QTMAN: variants seen among roughly 807,000 people sequenced by gnomAD.
QTMAN encodes the protein queuosine-tRNA mannosyltransferase.
At chr2:144,030,929 GC>G in the QTMAN span, among the ~76,000 whole-genome samples, 4 of 152,144 alleles carry the variant, frequency 2.6e-5, no homozygotes, top group East Asian at 7.7e-4. Flanking sequence ...CTGTAGCCAA[GC>G]TAAGAGGCAT....
At chr2:144,328,562 T>A in the QTMAN span, among the ~76,000 whole-genome samples, 1 of 152,224 alleles carries the variant, frequency 6.6e-6, no homozygotes, top group Non-Finnish European at 1.5e-5. Context: ...GGCACCAGAA[T>A]AATTCCAGAT....
chr2:144,326,899 T>A, the QTMAN span, among the ~76,000 whole-genome samples: 1 of 152,132 alleles, frequency 6.6e-6, no homozygotes, highest in African/African-American at 2.4e-5. Flanking sequence ...ATTTTATATA[T>A]ACCACACAGA....
the QTMAN span, among the ~76,000 whole-genome samples, chr2:144,159,736 G>C: frequency 2.0e-5 from 3 of 152,136 alleles, no homozygotes; most frequent in South Asian, 6.2e-4. Flanking sequence ...AGACATTCCA[G>C]ACAGAGAGCT....
the QTMAN span, among the ~76,000 whole-genome samples, chr2:144,012,060 T>C: frequency 6.6e-6 from 1 of 152,076 alleles, no homozygotes; most frequent in Non-Finnish European, 1.5e-5. Context: ...AATCTGTTAT[T>C]AGCCATGGGA....
the QTMAN span, among the ~76,000 whole-genome samples, chr2:143,992,549 A>T: frequency 5.3e-5 from 8 of 152,064 alleles, no homozygotes; most frequent in East Asian, 1.5e-3. Context: ...TAAATAAATA[A>T]ATAAATAAAA....
chr2:144,073,266 T>A, the QTMAN span, among the ~76,000 whole-genome samples: 2 of 149,348 alleles, frequency 1.3e-5, no homozygotes, highest in African/African-American at 4.9e-5. Flanking sequence ...ATATATCATA[T>A]ATATTTATTT....
chr2:144,143,747 C>A, the QTMAN span, among the ~76,000 whole-genome samples: 2 of 151,956 alleles, frequency 1.3e-5, no homozygotes, highest in South Asian at 4.2e-4. Context: ...GTAATAGTGA[C>A]CTACAGGTCA....
At chr2:144,133,135 AT>A in the QTMAN span, among the ~76,000 whole-genome samples, 8 of 42,772 alleles carry the variant, frequency 1.9e-4, no homozygotes, top group East Asian at 5.9e-4. Context: ...ATATATATAT[AT>A]ATATATATAT....
At chr2:144,289,454 G>A in the QTMAN span, among the ~76,000 whole-genome samples, 6 of 152,186 alleles carry the variant, frequency 3.9e-5, no homozygotes, top group Non-Finnish European at 8.8e-5. Flanking sequence ...TCAAAGTGTA[G>A]AACATGAGAA....
the QTMAN span, among the ~76,000 whole-genome samples, chr2:144,077,357 A>G: frequency 1.3e-5 from 2 of 152,248 alleles, no homozygotes; most frequent in Non-Finnish European, 2.9e-5. Context: ...AAACTTACAA[A>G]TAAGCCACAT....
chr2:143,978,265 G>T, the QTMAN span, among the ~76,000 whole-genome samples: 13 of 152,228 alleles, frequency 8.5e-5, no homozygotes, highest in East Asian at 2.1e-3. Context: ...ATCCTTGCTT[G>T]GTTTCCAAAT....
the QTMAN span, among the ~76,000 whole-genome samples, chr2:144,158,605 T>C: frequency 2.0e-5 from 3 of 151,804 alleles, no homozygotes; most frequent in South Asian, 2.1e-4. Context: ...GGTTTATTGA[T>C]ATAAAGAAGG....
At chr2:143,986,423 G>A in the QTMAN span, among the ~76,000 whole-genome samples, 2 of 152,178 alleles carry the variant, frequency 1.3e-5, no homozygotes, top group Non-Finnish European at 2.9e-5. Context: ...TCCCCTCAAG[G>A]AATCTAAATT....
the QTMAN span, among the ~76,000 whole-genome samples, chr2:144,296,215 G>C: frequency 6.6e-6 from 1 of 152,156 alleles, no homozygotes; most frequent in African/African-American, 2.4e-5. Flanking sequence ...GGAATAATTT[G>C]TGTTGCTAAG....
chr2:143,991,710 C>T, the QTMAN span, among the ~76,000 whole-genome samples: 2 of 144,704 alleles, frequency 1.4e-5, no homozygotes, highest in African/African-American at 5.1e-5. Flanking sequence ...GCCGCCCGGC[C>T]AGTCGCCCCG....
At chr2:144,031,496 C>A in the QTMAN span, among the ~76,000 whole-genome samples, 2 of 152,064 alleles carry the variant, frequency 1.3e-5, no homozygotes, top group Non-Finnish European at 1.5e-5. Flanking sequence ...CACCAAGAAG[C>A]TTTTAAACTG....
chr2:144,127,285 A>T, the QTMAN span, among the ~76,000 whole-genome samples: 5 of 151,970 alleles, frequency 3.3e-5, no homozygotes, highest in Non-Finnish European at 7.4e-5. Context: ...CATAACAAAC[A>T]CACACAAAAA....
the QTMAN span, among the ~76,000 whole-genome samples, chr2:144,066,167 C>CT: frequency 7.1e-6 from 1 of 140,848 alleles, no homozygotes; most frequent in African/African-American, 2.6e-5. Flanking sequence ...CTTTTTTTTT[C>CT]TTTTTTTATT....
At chr2:144,003,857 T>C in the QTMAN span, among the ~76,000 whole-genome samples, 20 of 152,074 alleles carry the variant, frequency 1.3e-4, no homozygotes, top group Non-Finnish European at 1.9e-4. Context: ...TTTTAGACCA[T>C]TCATGATCCC....
Sources: allele counts gnomAD v4.1 joint callset (sites outside exome capture counted in the v4.1 genomes callset), GRCh38; gene constraint gnomAD v4.1.1; transcripts MANE v1.5; gene names NCBI Gene and HGNC (gene_info 2026-07-23, HGNC 2026-07-21).